Variants in MSH3 observed in about 807,000 individuals in gnomAD.
The protein encoded by MSH3 is DNA mismatch repair protein Msh3.
In MSH3, 106 loss-of-function variants were observed where a neutral mutation model predicts 123.3. The observed-to-expected ratio is 0.86, with a 90% CI of 0.73 to 1.01. The LOEUF is 1.01. Ranked by LOEUF, MSH3 falls within the 50% of genes least tolerant of loss-of-function variation. MSH3 has a pLI of 0.00. For missense variants in MSH3, 1,459 were observed against 1,347.6 expected (o/e 1.08, Z -1.29); for synonymous variants, 515 against 481.4 (o/e 1.07, Z -0.91).
At chr5:80,792,412 TAAAA>T (rs1231031111) in intron 18 of MSH3, among the ~76,000 whole-genome samples, 2 of 137,406 alleles carry the variant, frequency 1.5e-5, no homozygotes, top group Non-Finnish European at 3.2e-5. Context: ...CCCTATCTCT[TAAAA>T]AAAAAAAAAG....
At chr5:80,668,485 T>A (rs894524713) in intron 3 of MSH3, among the ~76,000 whole-genome samples, 1 of 152,078 alleles carries the variant, frequency 6.6e-6, no homozygotes, top group Non-Finnish European at 1.5e-5. Flanking sequence ...CTCCTTCCCA[T>A]GTTCATCAGT....
rs76850449 is a variant in MSH3, at chr5:80,759,490, G to A, written c.1764-2056G>A. On this transcript the variant is annotated intron_variant, in intron 12 of 23. Coordinates refer to ENST00000265081, the MANE Select transcript of MSH3 (RefSeq NM_002439.5). The stretch of plus-strand genomic sequence containing the variant: ...GAGTAACTAAGTCATTGAAAGATAT[G>A]CAGTCTGACTGGAACTTAGAGTAGG... Among the ~76,000 whole-genome samples, 84 of 152,324 alleles carry A rather than the reference G, an allele frequency of 5.5e-4. 4 individuals carry two copies. In the East Asian group the frequency reaches 0.016, roughly 29 times the overall value.
chr5:80,686,132 G>A (rs62366946), intron 8 of MSH3, among the ~76,000 whole-genome samples: 6 of 152,272 alleles, frequency 3.9e-5, no homozygotes, highest in Admixed American at 1.3e-4. Flanking sequence ...TCTACATGCT[G>A]AGGAAAAGAA....
At chr5:80,705,319 C>T (rs1750695887) in intron 8 of MSH3, among the ~76,000 whole-genome samples, 2 of 152,142 alleles carry the variant, frequency 1.3e-5, no homozygotes, top group Non-Finnish European at 2.9e-5. Context: ...TTAAAAAATG[C>T]CGATGCCTGA....
chr5:80,780,814 G>C (rs1744397492), intron 17 of MSH3, among the ~76,000 whole-genome samples: 1 of 152,216 alleles, frequency 6.6e-6, no homozygotes, highest in Admixed American at 6.5e-5. Flanking sequence ...GTTGCAGTGA[G>C]CCGAGATTGC....
At chr5:80,863,615 G>C (rs1205364398) in intron 21 of MSH3, among the ~76,000 whole-genome samples, 1 of 150,860 alleles carries the variant, frequency 6.6e-6, no homozygotes, top group Non-Finnish European at 1.5e-5. Context: ...AGCTTGCAGT[G>C]AGCCAAGATC....
At chr5:80,746,534 T>C (rs1434729946) in intron 12 of MSH3, 6 of 455,006 alleles carry the variant, frequency 1.3e-5, no homozygotes, top group Non-Finnish European at 1.8e-5. Context: ...ACAAAAAGTA[T>C]TCCTTGATCG....
At chr5:80,668,078 C>T (rs1022766830) in intron 3 of MSH3, among the ~76,000 whole-genome samples, 5 of 152,170 alleles carry the variant, frequency 3.3e-5, no homozygotes, top group African/African-American at 7.2e-5. Flanking sequence ...CTTCTTTCTG[C>T]AGGCAGGGCA....
intron 8 of MSH3, among the ~76,000 whole-genome samples, chr5:80,723,312 A>G (rs1168947116): frequency 6.6e-6 from 1 of 152,122 alleles, no homozygotes; most frequent in African/African-American, 2.4e-5. Context: ...ACAGAGATAG[A>G]CAAAAAGACC....
rs3991220 is a variant in MSH3, at chr5:80,729,458, G to A, written c.1568+493G>A. 4.2e-3 allele frequency among the ~76,000 whole-genome samples: 342 copies of A among 81,576 alleles called. 1 individual carries two copies. The highest frequency in any genetic ancestry group is 0.012 in the East Asian group (51 of 4,194). The allele number at this position is 81,576 out of a possible 152,430, so 53.5% of individuals were successfully genotyped here. A position where few individuals can be genotyped will look rare whatever the true frequency, so the allele number is the denominator to read the frequency against. On this transcript the variant is annotated intron_variant, in intron 10 of 23. Transcript: ENST00000265081. The stretch of plus-strand genomic sequence containing the variant: ...TGTGTGTGTGTGTGTGTGTGTGTGT[G>A]TGTATATATATATATATATATAAAG...
At chr5:80,818,176 G>A (rs574608842) in intron 20 of MSH3, among the ~76,000 whole-genome samples, 3 of 152,112 alleles carry the variant, frequency 2.0e-5, no homozygotes, top group African/African-American at 4.8e-5. Flanking sequence ...ACAAGATCAC[G>A]CCACTGCACT....
intron 8 of MSH3, among the ~76,000 whole-genome samples, chr5:80,706,643 A>G (rs1160179477): frequency 6.6e-6 from 1 of 152,222 alleles, no homozygotes; most frequent in Admixed American, 6.5e-5. Context: ...ATCTCGAAGC[A>G]TGTAAATATA....
intron 15 of MSH3, among the ~76,000 whole-genome samples, chr5:80,774,657 C>T (rs1744269039): frequency 6.6e-6 from 1 of 152,098 alleles, no homozygotes; most frequent in Non-Finnish European, 1.5e-5. Flanking sequence ...CTGTAATTTG[C>T]AACAACATGG....
chr5:80,851,187 A>G (rs1745824402), intron 20 of MSH3, among the ~76,000 whole-genome samples: 1 of 149,424 alleles, frequency 6.7e-6, no homozygotes, highest in Non-Finnish European at 1.5e-5. Flanking sequence ...GTATTTCTTC[A>G]TGTATCTCTG....
rs2112106754 is a variant in MSH3 at position 80,854,328 on chromosome 5, G to A, written c.3000+12G>A. ...ATTTCATCAGAGATGTAAGTATCCGGTAAACTGTATTTAAAAAGAAATTAA... is the reference window on the plus strand; with the variant it reads ...ATTTCATCAGAGATGTAAGTATCCGATAAACTGTATTTAAAAAGAAATTAA... On this transcript the variant is annotated intron_variant, in intron 21 of 23. Transcript: ENST00000265081. 1 of 1,607,698 alleles carries A rather than the reference G, an allele frequency of 6.2e-7. No individual in the cohort carries two copies. The highest frequency in any genetic ancestry group is 8.5e-7 in the Non-Finnish European group (1 of 1,174,796).
rs1554066080 is a variant in MSH3 at position 80,654,908 on chromosome 5, G to GCAGCGGCCGCAGCGCCCGCAGCGCCCC, written c.186_187insGCCGCAGCGCCCGCAGCGCCCCCAGCG (p.Ala62_Pro63insAlaAlaAlaProAlaAlaProProAla). ...AGCGGCTGCAGCGGCCGCAGCGGCC[G>GCAGCGGCCGCAGCGCCCGCAGCGCCCC]CAGCGCCCCCAGCGCCCCCAGCTCC... On this transcript the variant is annotated inframe_insertion, in exon 1 of 24. Transcript: ENST00000265081. The GCAGCGGCCGCAGCGCCCGCAGCGCCCC allele has an allele frequency of 2.1e-5, 33 of 1,538,928 alleles. No individual in the cohort carries two copies. Among genetic ancestry groups the GCAGCGGCCGCAGCGCCCGCAGCGCCCC allele is most frequent in the African/African-American group, 3.0e-5 (2 of 66,628 alleles).
In MSH3 at chr5:80,784,232, AAAAAAAAG is replaced by A. The variant is rs1452506320; in HGVS notation, c.2436-3332_2436-3325del. Among the ~76,000 whole-genome samples, 45 of 132,850 alleles carry A rather than the reference AAAAAAAAG, an allele frequency of 3.4e-4. 4 individuals carry two copies. Among genetic ancestry groups the A allele is most frequent in the East Asian group, 1.2e-3 (6 of 4,942 alleles). The allele number at this position is 132,850 out of a possible 152,430, so 87.2% of individuals were successfully genotyped here. A position where few individuals can be genotyped will look rare whatever the true frequency, so the allele number is the denominator to read the frequency against. On this transcript the variant is annotated intron_variant, in intron 17 of 23. Transcript: ENST00000265081. ...CGTCGCAAAAAAAAAAAAAAAAAAA[AAAAAAAAG>A]GGAAATAAATAAATAAATAAATAAA...
intron 20 of MSH3, among the ~76,000 whole-genome samples, chr5:80,828,458 A>G (rs1373379156): frequency 6.6e-6 from 1 of 152,186 alleles, no homozygotes; most frequent in East Asian, 1.9e-4. Context: ...GAGGGGACAA[A>G]CATTCAAACC....
At chr5:80,860,116 AT>A (rs1745990763) in intron 21 of MSH3, among the ~76,000 whole-genome samples, 1 of 151,708 alleles carries the variant, frequency 6.6e-6, no homozygotes, top group African/African-American at 2.4e-5. Context: ...ATAAGCATAT[AT>A]ATATATATAA....
Sources: allele counts gnomAD v4.1 joint callset (sites outside exome capture counted in the v4.1 genomes callset), GRCh38; gene constraint gnomAD v4.1.1; transcripts MANE v1.5; gene names NCBI Gene and HGNC (gene_info 2026-07-23, HGNC 2026-07-21).